The following MAGT1 variants were observed in gnomAD, a reference collection of about 807,000 sequenced individuals.
MAGT1 encodes magnesium transporter 1.
A neutral mutation model predicts 28.4 loss-of-function variants in MAGT1; 4 were observed. That is an observed-to-expected ratio of 0.14 (90% confidence interval 0.07 to 0.32). The LOEUF is 0.32. Ranked by LOEUF, MAGT1 falls within the 10% of genes least tolerant of loss-of-function variation. The pLI, the probability that MAGT1 is intolerant of heterozygous loss-of-function variation, is 1.00. For missense variants in MAGT1, 193 were observed against 264.5 expected (o/e 0.73, Z 1.88); for synonymous variants, 89 against 89.7 (o/e 0.99, Z 0.04).
chrX:77,849,300 G>A (rs12843378), intron 7 of MAGT1, among the ~76,000 whole-genome samples: 13 of 108,887 alleles, frequency 1.2e-4, no homozygotes, highest in Non-Finnish European at 2.5e-4. Flanking sequence ...GGCTGGTCTC[G>A]AACTCCTGGC....
At chrX:77,875,653 C>A in intron 1 of MAGT1, 56 bp from the exon 2 acceptor site, 2 of 1,122,063 alleles carry the variant, frequency 1.8e-6, no homozygotes, top group Admixed American at 2.2e-5. Flanking sequence ...ATTTAAAGTT[C>A]TTTTAATGAG....
intron 3 of MAGT1, among the ~76,000 whole-genome samples, chrX:77,865,528 C>T (rs2077006455): frequency 1.8e-5 from 2 of 108,391 alleles, no homozygotes; most frequent in Admixed American, 2.0e-4. Context: ...ATCCTGACCT[C>T]GTGATCTGCC....
chrX:77,849,895 C>CAAAAAAAAAAAAAAA (rs1247445316), intron 7 of MAGT1, among the ~76,000 whole-genome samples: 2 of 50,844 alleles, frequency 3.9e-5, no homozygotes, highest in African/African-American at 7.4e-5. Flanking sequence ...AACAAAAAAC[C>CAAAAAAAAAAAAAAA]AAAAAAAAAA....
At chrX:77,853,202 G>C (rs1557215683) in intron 7 of MAGT1, among the ~76,000 whole-genome samples, 1 of 111,926 alleles carries the variant, frequency 8.9e-6, no homozygotes, top group East Asian at 2.8e-4. Flanking sequence ...CAGCTGCAAA[G>C]TCCACAGGAA....
chrX:77,861,451 G>GA (rs375770536), intron 3 of MAGT1, among the ~76,000 whole-genome samples: 137 of 112,028 alleles, frequency 1.2e-3, no homozygotes, highest in African/African-American at 3.1e-3. Context: ...CCATTGGTGG[G>GA]AAGTAAAATG....
chrX:77,882,000 A>T (rs782453485), intron 1 of MAGT1, among the ~76,000 whole-genome samples: 21 of 112,186 alleles, frequency 1.9e-4, no homozygotes, highest in African/African-American at 6.1e-4. Context: ...AACATACGCA[A>T]ATCAATAAAT....
At chrX:77,883,761 G>A (rs1392025895) in intron 1 of MAGT1, among the ~76,000 whole-genome samples, 2 of 108,216 alleles carry the variant, frequency 1.8e-5, no homozygotes, top group Non-Finnish European at 3.8e-5. Context: ...TGTTGCCCAG[G>A]CTGGTCTCAA....
intron 3 of MAGT1, among the ~76,000 whole-genome samples, chrX:77,862,622 A>G (rs185551321): frequency 2.7e-5 from 3 of 112,205 alleles, no homozygotes; most frequent in South Asian, 7.3e-4. Flanking sequence ...AAAAGAAGAC[A>G]CACATGGCCA....
At chrX:77,862,650 T>C (rs1668092056) in intron 3 of MAGT1, among the ~76,000 whole-genome samples, 1 of 111,068 alleles carries the variant, frequency 9.0e-6, no homozygotes, top group Admixed American at 9.6e-5. Flanking sequence ...TATGAAAAAA[T>C]ACTCAACATC....
intron 1 of MAGT1, among the ~76,000 whole-genome samples, chrX:77,878,289 C>CAAAAAAAAAAAAAAAAA (rs1205547369): frequency 6.6e-5 from 1 of 15,072 alleles, no homozygotes; most frequent in Non-Finnish European, 1.1e-4. Flanking sequence ...AACTCTGATG[C>CAAAAAAAAAAAAAAAAA]AAAAAAAAAA....
intron 7 of MAGT1, among the ~76,000 whole-genome samples, chrX:77,845,801 G>T (rs2076949888): frequency 8.9e-6 from 1 of 112,074 alleles, no homozygotes; most frequent in Non-Finnish European, 1.9e-5. Context: ...TCTGCTGAGA[G>T]ATCAGCTGTT....
chrX:77,853,851 G>C (rs2076974923), intron 7 of MAGT1, 50 bp downstream of exon 7: 1 of 1,027,175 alleles, frequency 9.7e-7, no homozygotes, highest in Non-Finnish European at 1.4e-6. Flanking sequence ...ATACTAGACT[G>C]TGAGAAAACA....
At chrX:77,877,030 A>G (rs1262729414) in intron 1 of MAGT1, among the ~76,000 whole-genome samples, 1 of 108,598 alleles carries the variant, frequency 9.2e-6, no homozygotes, top group African/African-American at 3.3e-5. Flanking sequence ...AAAAAAAAAA[A>G]AAAAAAAGAA....
At chrX:77,880,663 T>C (rs1247830423) in intron 1 of MAGT1, among the ~76,000 whole-genome samples, 3 of 109,708 alleles carry the variant, frequency 2.7e-5, no homozygotes, top group Admixed American at 9.8e-5. Context: ...TCTTGAAAGA[T>C]TGGTTGTTAA....
intron 8 of MAGT1, among the ~76,000 whole-genome samples, chrX:77,840,492 T>C (rs1476550053): frequency 9.2e-6 from 1 of 109,254 alleles, no homozygotes; most frequent in Non-Finnish European, 1.9e-5. Flanking sequence ...ATAATTATAG[T>C]TAAAATTAGG....
chrX:77,826,635 A>C lies in MAGT1; in HGVS notation c.*2585T>G, dbSNP rs1557212934. 2 of 112,824 alleles carry C rather than the reference A, an allele frequency of 1.8e-5. No individual in the cohort carries two copies. Among genetic ancestry groups the C allele is most frequent in the African/African-American group, 6.4e-5 (2 of 31,097 alleles). The allele number at this position is 112,824 out of a possible 1,213,427, so 9.3% of individuals were successfully genotyped here. ...AGAATGCTGCCTTTCTCCTTACAGAAGAATGTGCTCTTAAAGGGAGAAAAA... is the reference window on the plus strand; with the variant it reads ...AGAATGCTGCCTTTCTCCTTACAGACGAATGTGCTCTTAAAGGGAGAAAAA... On this transcript the variant is annotated 3_prime_UTR_variant, in exon 10 of 10. Transcript: ENST00000618282.
At chrX:77,894,452 A>G (rs1402178162) in intron 1 of MAGT1, among the ~76,000 whole-genome samples, 1 of 112,297 alleles carries the variant, frequency 8.9e-6, no homozygotes, top group Non-Finnish European at 1.9e-5. Context: ...TTTCTCTATT[A>G]GAGGAAGCAC....
chrX:77,870,168 T>C (rs2077017041), intron 3 of MAGT1, among the ~76,000 whole-genome samples: 1 of 111,588 alleles, frequency 9.0e-6, no homozygotes, highest in African/African-American at 3.3e-5. Flanking sequence ...CAAATATCGT[T>C]ATGTTCTCAC....
At chrX:77,861,967 T>C (rs782545168) in intron 3 of MAGT1, among the ~76,000 whole-genome samples, 3 of 111,317 alleles carry the variant, frequency 2.7e-5, no homozygotes, top group Non-Finnish European at 5.7e-5. Flanking sequence ...ATTCTGGAGA[T>C]TGGTTGTACA....
Sources: allele counts gnomAD v4.1 joint callset (sites outside exome capture counted in the v4.1 genomes callset), GRCh38; gene constraint gnomAD v4.1.1; transcripts MANE v1.5; gene names NCBI Gene and HGNC (gene_info 2026-07-23, HGNC 2026-07-21).